FEZ1: variants seen among roughly 807,000 people sequenced by gnomAD.
FEZ1 encodes the protein fasciculation and elongation protein zeta-1.
A neutral mutation model predicts 49.3 loss-of-function variants in FEZ1; 20 were observed. The observed-to-expected ratio is 0.41, with a 90% CI of 0.29 to 0.59. FEZ1 has a LOEUF of 0.59. FEZ1 is among the 20% of genes least tolerant of loss of function. The pLI is 0.36. For missense variants in FEZ1, 413 were observed against 476.0 expected, an observed-to-expected ratio of 0.87 and a Z score of 1.23; for synonymous variants, 170 against 180.9, an observed-to-expected ratio of 0.94 and a Z score of 0.48.
At chr11:125,465,842 C>A (rs970169399) in intron 3 of FEZ1, among the ~76,000 whole-genome samples, 2 of 152,104 alleles carry the variant, frequency 1.3e-5, no homozygotes, top group African/African-American at 2.4e-5. Flanking sequence ...CATTTTCTGT[C>A]CATCCTGCCA....
intron 5 of FEZ1, among the ~76,000 whole-genome samples, chr11:125,459,993 G>T (rs1480239362): frequency 6.6e-6 from 1 of 152,166 alleles, no homozygotes; most frequent in Non-Finnish European, 1.5e-5. Flanking sequence ...CTACTCAGGA[G>T]GCTGAGGCTT....
intron 2 of FEZ1, among the ~76,000 whole-genome samples, chr11:125,488,096 T>G (rs539196791): frequency 7.9e-5 from 12 of 152,352 alleles, no homozygotes; most frequent in African/African-American, 2.2e-4. Flanking sequence ...AGGGAACTCA[T>G]GTAGACAGTA....
intron 2 of FEZ1, among the ~76,000 whole-genome samples, chr11:125,482,974 TAAAAAAAA>T (rs56169482): frequency 4.4e-3 from 128 of 28,770 alleles, no homozygotes; most frequent in African/African-American, 0.016. Context: ...CAAGACACTG[TAAAAAAAA>T]AAAAAAAAAA....
chr11:125,457,403 TAAAAAAAAAAAAAA>T (rs141594971), intron 5 of FEZ1, among the ~76,000 whole-genome samples: 1 of 35,124 alleles, frequency 2.8e-5, no homozygotes, highest in African/African-American at 9.9e-5. Context: ...GTTTCTACTT[TAAAAAAAAAAAAAA>T]AAAAAAAAAA....
chr11:125,453,531 C>G (rs1956977978), intron 7 of FEZ1: 1 of 152,232 alleles, frequency 6.6e-6, no homozygotes, highest in African/African-American at 2.4e-5. Context: ...CCAGCCATGT[C>G]TATTAGATTA....
chr11:125,466,641 C>A (rs1042174709), intron 3 of FEZ1, among the ~76,000 whole-genome samples: 3 of 152,188 alleles, frequency 2.0e-5, no homozygotes, highest in Admixed American at 1.3e-4. Context: ...GCTGTTTCTT[C>A]CTCCTGCTTT....
rs1354381275 is a variant in FEZ1, at chr11:125,456,059, C to T, written c.715G>A (p.Val239Met). 3.7e-6 allele frequency: 6 copies of T among 1,611,402 alleles called. No individual in the cohort carries two copies. The highest frequency in any genetic ancestry group is 2.2e-5 in the East Asian group (1 of 44,804). ...GAGAAGTCACGGATGGCACCCTCCA[C>T]CTGGTCCAGCAGCTCGGTCAGCTCA... is the stretch of plus-strand genomic sequence containing the variant. ...GSELTELLDQ[V>M]EGAIRDFSEE... The change falls in exon 6 of 10, where the codon GTG (valine) becomes ATG (methionine). Residue 239 changes from valine (V) to methionine (M), a missense_variant. Val to Met is a conservative substitution (Grantham distance 21). Coordinates refer to ENST00000278919, the MANE Select transcript of FEZ1 (RefSeq NM_005103.5).
intron 2 of FEZ1, 97 bp from the exon 3 acceptor site, chr11:125,481,730 G>T: frequency 1.2e-6 from 1 of 860,724 alleles, no homozygotes; most frequent in Non-Finnish European, 2.0e-6. Context: ...AGGCTTCTGT[G>T]TGTGCCAGGC....
chr11:125,457,443 T>TACAC (rs1565533478), intron 5 of FEZ1, among the ~76,000 whole-genome samples: 16 of 74,264 alleles, frequency 2.2e-4, no homozygotes, highest in African/African-American at 5.3e-4. Flanking sequence ...TATATATATA[T>TACAC]ATATATATGT....
chr11:125,489,025 AGGC>A lies in FEZ1; in HGVS notation c.311+439_311+441del, dbSNP rs939113010. On this transcript the variant is annotated intron_variant, in intron 2 of 9. Transcript: ENST00000278919. The surrounding 1 kb of genome is among the most constrained non-coding windows in gnomAD (Gnocchi z 4.2). ...TCCTAACATCTGTAGATAACTCTCC[AGGC>A]CTGAGGGGCTGTCAAAAATTCGGGA... 2 of 986,258 alleles carry A rather than the reference AGGC, an allele frequency of 2.0e-6. No individual in the cohort carries two copies. Among genetic ancestry groups the A allele is most frequent in the African/African-American group, 3.5e-5 (2 of 57,244 alleles). The allele number at this position is 986,258 out of a possible 1,614,324, so 61.1% of individuals were successfully genotyped here.
In FEZ1 at chr11:125,446,008, G is replaced by A. The variant is rs1956895123; in HGVS notation, c.*87C>T. 12 of 1,289,990 alleles carry A rather than the reference G, an allele frequency of 9.3e-6. No individual in the cohort carries two copies. Among genetic ancestry groups the A allele is most frequent in the East Asian group, 4.6e-5 (2 of 43,276 alleles). 79.9% of individuals were successfully genotyped at this position (1,289,990 alleles called of 1,614,324 possible). A position where few individuals can be genotyped will look rare whatever the true frequency, so the allele number is the denominator to read the frequency against. ...AGCTATACACGTTTAAATACATGTC[G>A]GAGGTTACATGGTCTCATGCAGTCC... On this transcript the variant is annotated 3_prime_UTR_variant, in exon 10 of 10. Coordinates refer to ENST00000278919, the MANE Select transcript of FEZ1 (RefSeq NM_005103.5).
At position 125,495,218 on chromosome 11, in the gene FEZ1, C is replaced by G. The variant is rs1957446317; in HGVS notation, c.-46+903G>C. 1 of 373,968 alleles carries G rather than the reference C, an allele frequency of 2.7e-6. No individual in the cohort carries two copies. The highest frequency in any genetic ancestry group is 5.6e-6 in the Non-Finnish European group (1 of 178,486). The allele number at this position is 373,968 out of a possible 1,614,324, so 23.2% of individuals were successfully genotyped here. A position where few individuals can be genotyped will look rare whatever the true frequency, so the allele number is the denominator to read the frequency against. On this transcript the variant is annotated intron_variant, in intron 1 of 9. Transcript: ENST00000278919. The surrounding 1 kb of genome is among the most constrained non-coding windows in gnomAD (Gnocchi z 4.2). ...TAAAGAAAGCCTCCTCCAGGCAGCA[C>G]AATGGCTGGCACTCTGAGGAAGCCG...
In FEZ1 at chr11:125,454,220, A is replaced by C; in HGVS notation, c.940-10T>G. ...CTTCCATGCTGAAGCGCTGTGGGGGAGAGAGACTCAAGAAGGGCAAATGCT... is the reference window on the plus strand; with the variant it reads ...CTTCCATGCTGAAGCGCTGTGGGGGCGAGAGACTCAAGAAGGGCAAATGCT... On this transcript the variant is annotated splice_polypyrimidine_tract_variant and intron_variant, in intron 6 of 9. Transcript: ENST00000278919. The C allele has an allele frequency of 6.2e-7, 1 of 1,610,112 alleles. No homozygotes were observed. Among genetic ancestry groups the C allele is most frequent in the Non-Finnish European group, 8.5e-7 (1 of 1,177,216 alleles).
intron 3 of FEZ1, among the ~76,000 whole-genome samples, chr11:125,471,367 C>T (rs1957181395): frequency 6.6e-6 from 1 of 151,656 alleles, no homozygotes; most frequent in Non-Finnish European, 1.5e-5. Context: ...GTATACACTA[C>T]CTGCAAAAAC....
chr11:125,479,000 G>T (rs950812173), intron 3 of FEZ1, among the ~76,000 whole-genome samples: 1 of 152,124 alleles, frequency 6.6e-6, no homozygotes, highest in South Asian at 2.1e-4. Flanking sequence ...TCTTCTTTGC[G>T]GTTTGGGTAA....
chr11:125,480,284 G>T (rs1251449255), intron 3 of FEZ1, among the ~76,000 whole-genome samples: 1 of 152,168 alleles, frequency 6.6e-6, no homozygotes, highest in Non-Finnish European at 1.5e-5. Flanking sequence ...GGGGGTGGTG[G>T]GTAAGGCTGG....
chr11:125,455,997 C>T lies in FEZ1; in HGVS notation c.777G>A (p.Glu259=). ...TCTTCACTTCCTTCTCAAACTCCAG[C>T]TCGTCCCGGCGGGCCAGCTGCTGCA... The part of the protein sequence containing the change: ...ELVQQLARRD[E]LEFEKEVKNS... The change falls in exon 6 of 10, where the codon GAG becomes GAA. Residue 259 remains glutamate, a synonymous_variant. Transcript: ENST00000278919. 2.5e-6 allele frequency: 4 copies of T among 1,613,600 alleles called. No homozygotes were observed. The highest frequency in any genetic ancestry group is 3.4e-6 in the Non-Finnish European group (4 of 1,180,008).
At chr11:125,482,199 T>C (rs1957287260) in intron 2 of FEZ1, among the ~76,000 whole-genome samples, 1 of 152,166 alleles carries the variant, frequency 6.6e-6, no homozygotes, top group South Asian at 2.1e-4. Context: ...ACATCTAATG[T>C]AGGTAAGGGA....
At chr11:125,458,272 A>G (rs1957039064) in intron 5 of FEZ1, among the ~76,000 whole-genome samples, 1 of 152,050 alleles carries the variant, frequency 6.6e-6, no homozygotes, top group African/African-American at 2.4e-5. Context: ...CCATCTCCCC[A>G]TGGGTGGATC....
Sources: gnomAD v4.1 joint callset for allele counts (sites outside exome capture counted in the v4.1 genomes callset) on GRCh38, gnomAD v4.1.1 for gene constraint, Gnocchi (gnomAD v3.1) non-coding constraint, MANE v1.5 for transcripts, NCBI Gene and HGNC (gene_info 2026-07-23, HGNC 2026-07-21) for gene names.